Variants in NLGN4X observed in about 807,000 individuals in gnomAD.
The protein encoded by NLGN4X is neuroligin-4, X-linked.
NLGN4X carries 3 observed loss-of-function variants against 40.3 expected under a neutral mutation model. The ratio of observed to expected loss-of-function variants is 0.07; its 90% CI spans 0.03 to 0.19. The LOEUF (loss-of-function observed/expected upper bound fraction) is 0.19. NLGN4X is among the 10% of genes least tolerant of loss of function. NLGN4X has a pLI of 1.00. For synonymous variants in NLGN4X, 270 were observed against 306.8 expected (o/e 0.88, Z 1.25); for missense variants, 382 against 708.3 (o/e 0.54, Z 5.23).
intron 1 of NLGN4X, among the ~76,000 whole-genome samples, chrX:6,175,913 T>C (rs1314637912): frequency 9.0e-6 from 1 of 110,548 alleles, no homozygotes; most frequent in African/African-American, 3.3e-5. Context: ...TTCCAAAGGC[T>C]CCTGTGTATC....
At chrX:5,999,028 C>T (rs904101381) in intron 3 of NLGN4X, among the ~76,000 whole-genome samples, 4 of 111,656 alleles carry the variant, frequency 3.6e-5, no homozygotes, top group African/African-American at 9.8e-5. Context: ...TTTGTACTCA[C>T]GCACTGTCAT....
intron 5 of NLGN4X, among the ~76,000 whole-genome samples, chrX:5,896,858 G>A (rs1473830492): frequency 8.9e-6 from 1 of 112,182 alleles, no homozygotes; most frequent in Non-Finnish European, 1.9e-5. Context: ...CATTCATTCA[G>A]CTTAAAATTC....
At chrX:5,934,792 A>G (rs1199662834) in intron 3 of NLGN4X, among the ~76,000 whole-genome samples, 1 of 112,574 alleles carries the variant, frequency 8.9e-6, no homozygotes, top group African/African-American at 3.2e-5. Flanking sequence ...TAATAGAGTG[A>G]TAACAGACAT....
chrX:6,060,388 A>G (rs1367358050), intron 2 of NLGN4X, among the ~76,000 whole-genome samples: 1 of 111,485 alleles, frequency 9.0e-6, no homozygotes, highest in Non-Finnish European at 1.9e-5. Flanking sequence ...TTCCTTGGCA[A>G]AACTCCAACC....
chrX:5,961,204 T>C (rs989708136), intron 3 of NLGN4X, among the ~76,000 whole-genome samples: 2 of 111,387 alleles, frequency 1.8e-5, no homozygotes, highest in Non-Finnish European at 3.8e-5. Flanking sequence ...CTGTAGAATG[T>C]TCATTGTGGA....
intron 2 of NLGN4X, among the ~76,000 whole-genome samples, chrX:6,050,773 GTCCA>G (rs1404432720): frequency 3.7e-5 from 2 of 53,710 alleles, no homozygotes; most frequent in Admixed American, 5.2e-4. Flanking sequence ...CTGTCTGTCT[GTCCA>G]TCTATCTATC....
At chrX:6,110,014 T>C (rs2039112689) in intron 2 of NLGN4X, among the ~76,000 whole-genome samples, 1 of 110,862 alleles carries the variant, frequency 9.0e-6, no homozygotes, top group Non-Finnish European at 1.9e-5. Flanking sequence ...AACGCTTTCC[T>C]GACACAGAAA....
chrX:6,111,676 G>A (rs1424851258), intron 2 of NLGN4X, among the ~76,000 whole-genome samples: 1 of 111,437 alleles, frequency 9.0e-6, no homozygotes, highest in Non-Finnish European at 1.9e-5. Flanking sequence ...AGCCCAGGAA[G>A]TCAAGGCTAC....
chrX:6,096,937 T>C (rs2038791071), intron 2 of NLGN4X, among the ~76,000 whole-genome samples: 1 of 95,620 alleles, frequency 1.0e-5, no homozygotes, highest in African/African-American at 4.0e-5. Flanking sequence ...CTGTTGAAAA[T>C]TTTCATATCG....
intron 1 of NLGN4X, among the ~76,000 whole-genome samples, chrX:6,172,272 G>T (rs2040623042): frequency 8.9e-6 from 1 of 112,030 alleles, no homozygotes; most frequent in African/African-American, 3.2e-5. Context: ...ACTATGGTGA[G>T]CCCTGAGTGT....
chrX:6,224,977 CATATATATATATATATATATAT>C (rs34139921), intron 1 of NLGN4X, among the ~76,000 whole-genome samples: 4 of 52,326 alleles, frequency 7.6e-5, no homozygotes, highest in African/African-American at 2.0e-4. Flanking sequence ...TTAAAATGGC[CATATATATATATATATATATAT>C]ATATATATAT....
intron 2 of NLGN4X, among the ~76,000 whole-genome samples, chrX:6,039,384 T>C (rs2037100390): frequency 9.0e-6 from 1 of 111,482 alleles, no homozygotes; most frequent in Non-Finnish European, 1.9e-5. Flanking sequence ...TGCATACACA[T>C]GAATGAGCCC....
At chrX:5,917,970 T>A (rs746417150) in intron 3 of NLGN4X, among the ~76,000 whole-genome samples, 13 of 111,814 alleles carry the variant, frequency 1.2e-4, no homozygotes, top group Admixed American at 1.9e-4. Context: ...TATTATGTGT[T>A]TAAAGTGAAA....
chrX:5,931,830 T>C (rs2033555102), intron 3 of NLGN4X, among the ~76,000 whole-genome samples: 1 of 111,615 alleles, frequency 9.0e-6, no homozygotes. Context: ...AGCTGATGAA[T>C]CATGTATATA....
chrX:5,928,314 T>G (rs771832647), intron 3 of NLGN4X, among the ~76,000 whole-genome samples: 10 of 112,355 alleles, frequency 8.9e-5, no homozygotes, highest in Non-Finnish European at 1.7e-4. Context: ...TCTTTTGAAC[T>G]CTGTGTTCTT....
intron 2 of NLGN4X, among the ~76,000 whole-genome samples, chrX:6,134,371 T>C (rs947266113): frequency 1.1e-4 from 12 of 111,771 alleles, no homozygotes; most frequent in Middle Eastern, 9.3e-3. Flanking sequence ...TCCCAGCAAT[T>C]TGGTCAGTTA....
intron 1 of NLGN4X, among the ~76,000 whole-genome samples, chrX:6,225,415 T>C (rs1479569323): frequency 1.8e-5 from 2 of 109,287 alleles, no homozygotes; most frequent in Non-Finnish European, 1.9e-5. Flanking sequence ...GCTATCTGAT[T>C]TCACCCCGCT....
chrX:5,974,735 A>G (rs2035125490), intron 3 of NLGN4X, among the ~76,000 whole-genome samples: 1 of 112,073 alleles, frequency 8.9e-6, no homozygotes, highest in Non-Finnish European at 1.9e-5. Flanking sequence ...AAACACAGAT[A>G]GTACTGAACC....
intron 2 of NLGN4X, among the ~76,000 whole-genome samples, chrX:6,065,245 A>G (rs1176177576): frequency 9.0e-6 from 1 of 110,645 alleles, no homozygotes; most frequent in Non-Finnish European, 1.9e-5. Context: ...AAACCTGCAC[A>G]TGTACCCTCT....
Sources: gnomAD v4.1 joint callset for allele counts (sites outside exome capture counted in the v4.1 genomes callset) on GRCh38, gnomAD v4.1.1 for gene constraint, MANE v1.5 for transcripts, NCBI Gene and HGNC (gene_info 2026-07-23, HGNC 2026-07-21) for gene names.